CHST8: variants seen among roughly 807,000 people sequenced by gnomAD.
CHST8 encodes GALNAC-4-ST1.
A neutral mutation model predicts 15.0 loss-of-function variants in CHST8; 10 were observed. The observed-to-expected ratio is 0.67, with a 90% confidence interval of 0.41 to 1.13. CHST8 has a LOEUF of 1.13. CHST8 is among the 50% of genes most tolerant of loss of function. The pLI is 0.00. For missense variants in CHST8, 634 were observed against 608.2 expected, an observed-to-expected ratio of 1.04 and a Z score of -0.45; for synonymous variants, 259 against 256.6, an observed-to-expected ratio of 1.01 and a Z score of -0.09.
At chr19:33,650,513 C>CTTT (rs1356639318) in intron 1 of CHST8, among the ~76,000 whole-genome samples, 1 of 36,850 alleles carries the variant, frequency 2.7e-5, no homozygotes, top group Non-Finnish European at 5.1e-5. Context: ...TTTTCTTTTT[C>CTTT]TTTTCTTTTT....
intron 3 of CHST8, among the ~76,000 whole-genome samples, chr19:33,731,147 A>G (rs1476924114): frequency 1.3e-5 from 2 of 152,220 alleles, no homozygotes; most frequent in African/African-American, 4.8e-5. Context: ...CTTCAATCCA[A>G]TCAAGTTGAC....
intron 2 of CHST8, among the ~76,000 whole-genome samples, chr19:33,668,571 CAGA>C (rs1972693685): frequency 6.6e-6 from 1 of 152,080 alleles, no homozygotes; most frequent in Non-Finnish European, 1.5e-5. Flanking sequence ...GGAGGAAGAA[CAGA>C]TCAGGTGACC....
intron 2 of CHST8, among the ~76,000 whole-genome samples, chr19:33,686,836 G>C (rs532158576): frequency 3.3e-5 from 5 of 152,204 alleles, no homozygotes; most frequent in Admixed American, 3.3e-4. Flanking sequence ...GGCACTGGCC[G>C]GCATGCACCC....
intron 1 of CHST8, among the ~76,000 whole-genome samples, chr19:33,633,267 A>T (rs948973467): frequency 6.6e-6 from 1 of 152,224 alleles, no homozygotes; most frequent in Non-Finnish European, 1.5e-5. Flanking sequence ...ACAGGATTCC[A>T]TCATGTGGGT....
chr19:33,719,336 G>A (rs1269750751), intron 3 of CHST8, among the ~76,000 whole-genome samples: 3 of 152,154 alleles, frequency 2.0e-5, no homozygotes, highest in Non-Finnish European at 4.4e-5. Flanking sequence ...CACTCCTGGT[G>A]GAATTTCTCC....
At chr19:33,694,280 G>A (rs1341023559) in intron 3 of CHST8, among the ~76,000 whole-genome samples, 1 of 141,438 alleles carries the variant, frequency 7.1e-6, no homozygotes, top group African/African-American at 2.7e-5. Context: ...TTTAATGTTT[G>A]GCTTTTGCAG....
intron 3 of CHST8, among the ~76,000 whole-genome samples, chr19:33,736,839 A>T (rs1425336214): frequency 2.0e-5 from 3 of 152,182 alleles, no homozygotes; most frequent in Non-Finnish European, 4.4e-5. Flanking sequence ...TGTCACTGCC[A>T]TTCTGAGATA....
At chr19:33,626,674 C>T (rs764466625) in intron 1 of CHST8, among the ~76,000 whole-genome samples, 15 of 152,150 alleles carry the variant, frequency 9.9e-5, no homozygotes, top group Non-Finnish European at 1.6e-4. Flanking sequence ...TCCTCTTCTC[C>T]TTCCATTTTA....
chr19:33,725,010 C>T (rs956451119), intron 3 of CHST8, among the ~76,000 whole-genome samples: 19 of 152,086 alleles, frequency 1.2e-4, no homozygotes, highest in African/African-American at 4.6e-4. Context: ...GAGCCATCGG[C>T]AGCGCACAGC....
At chr19:33,695,821 C>CTTTTTTTTTTTTTTTTTTTTTTTTTT (rs55695414) in intron 3 of CHST8, among the ~76,000 whole-genome samples, 5 of 76,232 alleles carry the variant, frequency 6.6e-5, no homozygotes, top group Non-Finnish European at 1.0e-4. Context: ...TTCTTTCTTT[C>CTTTTTTTTTTTTTTTTTTTTTTTTTT]TTTTTTTTTT....
At chr19:33,686,864 T>C (rs8110889) in intron 2 of CHST8, among the ~76,000 whole-genome samples, 54,165 of 152,170 alleles carry the variant, frequency 0.36, 11,637 homozygotes, top group African/African-American at 0.59. Flanking sequence ...TATGCATATG[T>C]GTGTTATTGA....
At chr19:33,646,057 G>A (rs1352335342) in intron 1 of CHST8, among the ~76,000 whole-genome samples, 1 of 152,188 alleles carries the variant, frequency 6.6e-6, no homozygotes, top group African/African-American at 2.4e-5. Flanking sequence ...GAGCCCAGGA[G>A]TTTGAGGCTG....
At chr19:33,748,064 C>T (rs1974346955) in intron 3 of CHST8, among the ~76,000 whole-genome samples, 1 of 152,156 alleles carries the variant, frequency 6.6e-6, no homozygotes, top group Admixed American at 6.5e-5. Context: ...CAGAGCTGTC[C>T]CGTCCAGTGC....
At chr19:33,693,117 C>T (rs1479768881) in intron 3 of CHST8, among the ~76,000 whole-genome samples, 14 of 151,868 alleles carry the variant, frequency 9.2e-5, no homozygotes, top group East Asian at 1.9e-4. Flanking sequence ...AGCAATTCTC[C>T]GGCCTCAGCC....
At chr19:33,744,014 C>T (rs1239744344) in intron 3 of CHST8, among the ~76,000 whole-genome samples, 3 of 151,996 alleles carry the variant, frequency 2.0e-5, no homozygotes, top group African/African-American at 7.2e-5. Flanking sequence ...TGGTCTCGAA[C>T]TCCTGACCTC....
intron 1 of CHST8, among the ~76,000 whole-genome samples, chr19:33,643,721 G>T (rs151226332): frequency 1.3e-5 from 2 of 152,084 alleles, no homozygotes; most frequent in Non-Finnish European, 2.9e-5. Flanking sequence ...GCTTAGGAGC[G>T]CATTTCTAGT....
intron 1 of CHST8, among the ~76,000 whole-genome samples, chr19:33,629,845 C>A (rs1235087904): frequency 6.6e-6 from 1 of 152,240 alleles, no homozygotes; most frequent in Non-Finnish European, 1.5e-5. Context: ...TGATTCCTTG[C>A]CCAGAGGGCG....
intron 1 of CHST8, among the ~76,000 whole-genome samples, chr19:33,630,212 G>A (rs146456265): frequency 1.1e-3 from 162 of 152,274 alleles, no homozygotes; most frequent in African/African-American, 3.5e-3. Context: ...GCAGAGCCTC[G>A]TACACCTGGC....
At chr19:33,749,974 G>A (rs1974383170) in intron 3 of CHST8, among the ~76,000 whole-genome samples, 1 of 152,106 alleles carries the variant, frequency 6.6e-6, no homozygotes, top group Non-Finnish European at 1.5e-5. Context: ...TGCACTCTCT[G>A]AGTCCTCCCT....
Sources: gnomAD v4.1 joint callset for allele counts (sites outside exome capture counted in the v4.1 genomes callset) on GRCh38, gnomAD v4.1.1 for gene constraint, MANE v1.5 for transcripts, NCBI Gene and HGNC (gene_info 2026-07-23, HGNC 2026-07-21) for gene names.